Variants in FAM81A observed in about 807,000 individuals in gnomAD.
The protein encoded by FAM81A is protein FAM81A.
A neutral mutation model predicts 46.7 loss-of-function variants in FAM81A; 19 were observed. The observed-to-expected ratio is 0.41, with a 90% CI of 0.28 to 0.60. FAM81A has a LOEUF of 0.60. Ranked by LOEUF, FAM81A falls within the 20% of genes least tolerant of loss-of-function variation. The pLI, the probability that FAM81A is intolerant of heterozygous loss-of-function variation, is 0.34. For missense variants in FAM81A, 377 were observed against 453.5 expected (o/e 0.83, Z 1.53); for synonymous variants, 183 against 152.9 (o/e 1.20, Z -1.45).
chr15:59,461,016 G>A (rs1267729408), intron 3 of FAM81A, among the ~76,000 whole-genome samples: 13 of 151,722 alleles, frequency 8.6e-5, no homozygotes, highest in African/African-American at 2.4e-4. Context: ...TATTTTAACC[G>A]CTTTATTGAG....
chr15:59,439,494 T>G (rs934513053), intron 1 of FAM81A, among the ~76,000 whole-genome samples: 3 of 152,152 alleles, frequency 2.0e-5, no homozygotes, highest in Non-Finnish European at 4.4e-5. Flanking sequence ...CCATATCCAC[T>G]GTCTATAAAC....
At chr15:59,519,881 G>T (rs1462421957) in intron 8 of FAM81A, among the ~76,000 whole-genome samples, 2 of 152,098 alleles carry the variant, frequency 1.3e-5, no homozygotes, top group East Asian at 3.8e-4. Context: ...GGGGAGTGCA[G>T]ATATCTTTAT....
chr15:59,498,497 A>G (rs149970289), intron 4 of FAM81A, among the ~76,000 whole-genome samples: 3 of 152,320 alleles, frequency 2.0e-5, no homozygotes, highest in African/African-American at 4.8e-5. Context: ...TTTACTTTCC[A>G]ATCAGGATTT....
intron 3 of FAM81A, among the ~76,000 whole-genome samples, chr15:59,476,783 C>A (rs564080935): frequency 3.4e-4 from 52 of 151,674 alleles, no homozygotes; most frequent in African/African-American, 1.3e-3. Context: ...GAGCAAGACT[C>A]CATCTCTAAA....
rs1285103916 is a variant in FAM81A at position 59,522,055 on chromosome 15, C to G, written c.*677C>G. ...TAAGGCTCAATATCTGCGTTGACCA[C>G]CTAGATATTACAGGTTTTAATATTT... On this transcript the variant is annotated 3_prime_UTR_variant, in exon 9 of 9. Transcript: ENST00000288228. 82 of 152,514 alleles carry G rather than the reference C, an allele frequency of 5.4e-4. No homozygotes were observed. The highest frequency in any genetic ancestry group is 4.4e-5 in the Non-Finnish European group (3 of 68,018). The allele number at this position is 152,514 out of a possible 1,614,324, so 9.4% of individuals were successfully genotyped here. A position where few individuals can be genotyped will look rare whatever the true frequency, so the allele number is the denominator to read the frequency against.
chr15:59,445,753 T>C (rs2081347779), intron 1 of FAM81A, among the ~76,000 whole-genome samples: 1 of 152,230 alleles, frequency 6.6e-6, no homozygotes, highest in African/African-American at 2.4e-5. Context: ...CCTGCTAGTT[T>C]AGTAGGTAGA....
At chr15:59,437,246 G>A (rs2081249500), upstream of FAM81A, among the ~76,000 whole-genome samples, 1 of 152,140 alleles carries the variant, frequency 6.6e-6, no homozygotes, top group South Asian at 2.1e-4. Context: ...CCTTCCCCTG[G>A]GTTGGAAGGG....
At chr15:59,452,107 C>T (rs1318686916) in intron 1 of FAM81A, among the ~76,000 whole-genome samples, 2 of 152,158 alleles carry the variant, frequency 1.3e-5, no homozygotes, top group Non-Finnish European at 2.9e-5. Context: ...ATCAGCTGTT[C>T]CCATCTCTTC....
At chr15:59,472,910 C>T (rs1329556295) in intron 3 of FAM81A, among the ~76,000 whole-genome samples, 1 of 152,138 alleles carries the variant, frequency 6.6e-6, no homozygotes, top group Non-Finnish European at 1.5e-5. Context: ...TAAGAATGAT[C>T]TTTTCAGTTT....
At chr15:59,500,829 T>G (rs2082083758) in intron 4 of FAM81A, among the ~76,000 whole-genome samples, 1 of 152,060 alleles carries the variant, frequency 6.6e-6, no homozygotes, top group Non-Finnish European at 1.5e-5. Flanking sequence ...TTCCATTAGG[T>G]TCTTCTTTTT....
chr15:59,476,512 C>T (rs540011370), intron 3 of FAM81A, among the ~76,000 whole-genome samples: 1 of 152,350 alleles, frequency 6.6e-6, no homozygotes, highest in South Asian at 2.1e-4. Flanking sequence ...GGCACGGTGG[C>T]TCACGCCTGT....
chr15:59,475,569 G>C (rs1336765987), intron 3 of FAM81A, among the ~76,000 whole-genome samples: 7 of 152,214 alleles, frequency 4.6e-5, no homozygotes, highest in African/African-American at 1.7e-4. Context: ...GCCTTAACCA[G>C]ACAGCACTCT....
chr15:59,451,174 TC>T (rs1211428028), intron 1 of FAM81A, among the ~76,000 whole-genome samples: 2 of 152,166 alleles, frequency 1.3e-5, no homozygotes, highest in African/African-American at 4.8e-5. Context: ...CTAGTCTGGT[TC>T]CCATCAGAGG....
Position 59,514,419 on chromosome 15 carries a change from A to G in FAM81A, c.781A>G (p.Asn261Asp), listed in dbSNP as rs2082246023. 1 of 1,612,712 alleles carries G rather than the reference A, an allele frequency of 6.2e-7. No individual in the cohort carries two copies. Among genetic ancestry groups the G allele is most frequent in the East Asian group, 2.2e-5 (1 of 44,830 alleles). The change falls in exon 7 of 9, where the codon AAC (asparagine) becomes GAC (aspartate). Residue 261 changes from asparagine (N) to aspartate (D), a missense_variant. Coordinates refer to ENST00000288228, the MANE Select transcript of FAM81A (RefSeq NM_152450.3). The part of the protein sequence containing the change: ...IDQLSLIVKE[N>D]SGASERDMEK... ...TCAGCTTTCCTTGATTGTTAAGGAA[A>G]ACAGTGTAGGTATTGATGTTTAGCA...
At chr15:59,452,961 CTG>C (rs1440165521) in intron 1 of FAM81A, among the ~76,000 whole-genome samples, 1 of 152,150 alleles carries the variant, frequency 6.6e-6, no homozygotes, top group African/African-American at 2.4e-5. Flanking sequence ...TAGGATTTTG[CTG>C]TGTTGCCCAG....
chr15:59,421,729 GTCTATCTATCTATCTGTCTATCTA>G (rs1308663068), intron 2 of FAM81A, among the ~76,000 whole-genome samples: 102 of 128,974 alleles, frequency 7.9e-4, no homozygotes, highest in Middle Eastern at 3.9e-3. Context: ...CTGTCTGTCT[GTCTATCTATCTATCTGTCTATCTA>G]TCTATCTATC....
At chr15:59,421,259 G>A (rs1024317506) in intron 2 of FAM81A, among the ~76,000 whole-genome samples, 1 of 152,202 alleles carries the variant, frequency 6.6e-6, no homozygotes, top group Non-Finnish European at 1.5e-5. Context: ...TTGGAGCTCA[G>A]TGGAAAGGCA....
At chr15:59,429,890 C>G (rs143316589) in intron 2 of FAM81A, among the ~76,000 whole-genome samples, 1 of 152,274 alleles carries the variant, frequency 6.6e-6, no homozygotes, top group East Asian at 1.9e-4. Context: ...TAGGTGCACT[C>G]CTGATGCTGA....
chr15:59,500,890 GTTA>G (rs2082084212), intron 4 of FAM81A, among the ~76,000 whole-genome samples: 1 of 151,848 alleles, frequency 6.6e-6, no homozygotes, highest in Non-Finnish European at 1.5e-5. Flanking sequence ...AAGAAACATT[GTTA>G]TTATACATTC....
Sources: allele counts gnomAD v4.1 joint callset (sites outside exome capture counted in the v4.1 genomes callset), GRCh38; gene constraint gnomAD v4.1.1; transcripts MANE v1.5; gene names NCBI Gene and HGNC (gene_info 2026-07-23, HGNC 2026-07-21).